Variants in CDHR2 observed in about 807,000 individuals in gnomAD.
CDHR2 encodes cadherin-related family member 2.
In CDHR2, 104 loss-of-function variants were observed where a neutral mutation model predicts 138.6. That is an observed-to-expected ratio of 0.75 (90% confidence interval 0.64 to 0.88). CDHR2 has a LOEUF of 0.88. Ranked by LOEUF, CDHR2 falls within the 40% of genes least tolerant of loss-of-function variation. The pLI is 0.00. For synonymous variants in CDHR2, 755 were observed against 742.8 expected (o/e 1.02, Z -0.27); for missense variants, 1,624 against 1,727.6 (o/e 0.94, Z 1.06).
chr5:176,587,100 A>G (rs557044454), intron 21 of CDHR2, among the ~76,000 whole-genome samples: 1 of 152,372 alleles, frequency 6.6e-6, no homozygotes. Flanking sequence ...TTCTTGAGTA[A>G]TACAGAGAAC....
chr5:176,568,862 C>A (rs1462835350), intron 4 of CDHR2, 45 bp downstream of exon 4: 1 of 1,611,822 alleles, frequency 6.2e-7, no homozygotes, highest in Non-Finnish European at 8.5e-7. Flanking sequence ...GGAGGGGGTG[C>A]TGGGAGGGCC....
At position 176,572,418 on chromosome 5, in the gene CDHR2, AAAAAAATT is replaced by A. The variant is rs759752766; in HGVS notation, c.405+1130_405+1137del. Among the ~76,000 whole-genome samples the A allele has an allele frequency of 3.0e-3, 353 of 117,274 alleles. 1 individual carries two copies. The highest frequency in any genetic ancestry group is 4.8e-3 in the Middle Eastern group (1 of 210). 76.9% of individuals were successfully genotyped at this position (117,274 alleles called of 152,430 possible). On this transcript the variant is annotated intron_variant, in intron 6 of 31. Transcript: ENST00000261944. ...ATAAATAAATAAATAAATAAATAAT[AAAAAAATT>A]AAAAAATTAAAAAGTACAGGCTCAC...
At chr5:176,592,307 G>A (rs565063238) in intron 30 of CDHR2, among the ~76,000 whole-genome samples, 2,646 of 144,006 alleles carry the variant, frequency 0.018, 115 homozygotes, top group African/African-American at 0.068. Context: ...GATGGTGATG[G>A]TGGTGGTGGT....
downstream of CDHR2, chr5:176,595,930 G>T (rs954135031): frequency 2.7e-6 from 1 of 366,628 alleles, no homozygotes; most frequent in East Asian, 4.2e-5. Context: ...GGGACAAGGG[G>T]CTGGAGAGGG....
At position 176,595,687 on chromosome 5, in the gene CDHR2, C is replaced by T. The variant is rs375673297; in HGVS notation, c.*15C>T. The T allele has an allele frequency of 6.4e-7, 1 of 1,556,518 alleles. No individual in the cohort carries two copies. Among genetic ancestry groups the T allele is most frequent in the Admixed American group, 1.9e-5 (1 of 52,912 alleles). On this transcript the variant is annotated 3_prime_UTR_variant, in exon 32 of 32. Coordinates refer to ENST00000261944, the MANE Select transcript of CDHR2 (RefSeq NM_017675.6). ...CGGACCTGTGACAGGGGCCCCCACT[C>T]TTCTGGACCCCTTGAAGAGGCCCTA... is the stretch of plus-strand genomic sequence containing the variant.
intron 1 of CDHR2, among the ~76,000 whole-genome samples, chr5:176,565,109 G>T (rs1053906655): frequency 6.6e-6 from 1 of 152,154 alleles, no homozygotes; most frequent in Non-Finnish European, 1.5e-5. Flanking sequence ...TGCATGGCAG[G>T]TCCTGGATTC....
chr5:176,589,561 C>T lies in CDHR2; in HGVS notation c.3151C>T (p.Leu1051=), dbSNP rs1241682862. The change falls in exon 24 of 32, where the codon CTG becomes TTG. Residue 1051 remains leucine (L), a synonymous_variant. Coordinates refer to ENST00000261944, the MANE Select transcript of CDHR2 (RefSeq NM_017675.6). ...CGTGGACCAGAGTTACCGCTCGCGG[C>T]TGCAGTTCTCCACACCGAAGGAGGA... ...FTVDQSYRSR[L]QFSTPKEEVG... is the part of the protein sequence containing the mutation. The T allele has an allele frequency of 1.9e-6, 3 of 1,614,126 alleles. No homozygotes were observed. Among genetic ancestry groups the T allele is most frequent in the Non-Finnish European group, 1.7e-6 (2 of 1,180,016 alleles).
chr5:176,592,651 G>A, intron 30 of CDHR2, 72 bp from the exon 31 acceptor site: 3 of 1,215,662 alleles, frequency 2.5e-6, no homozygotes, highest in Non-Finnish European at 3.7e-6. Context: ...TGGTGATGGA[G>A]GTGGTGGTTC....
Position 176,555,704 on chromosome 5 carries a change from C to T in CDHR2, c.-16+6290C>T, listed in dbSNP as rs193046544. On this transcript the variant is annotated intron_variant, in intron 1 of 31. Coordinates refer to ENST00000261944, the MANE Select transcript of CDHR2 (RefSeq NM_017675.6). ...GGTGGATCACCTGAGGTCAGGAGTTCGAGACCAGCCTGGCCAACATGGCAA... is the reference window on the plus strand; with the variant it reads ...GGTGGATCACCTGAGGTCAGGAGTTTGAGACCAGCCTGGCCAACATGGCAA... Among the ~76,000 whole-genome samples the T allele has an allele frequency of 9.0e-3, 1,372 of 151,980 alleles. 2 individuals carry two copies. The highest frequency in any genetic ancestry group is 0.013 in the Non-Finnish European group (877 of 67,978).
At chr5:176,564,155 CT>C (rs1758029361) in intron 1 of CDHR2, among the ~76,000 whole-genome samples, 2 of 152,168 alleles carry the variant, frequency 1.3e-5, no homozygotes, top group South Asian at 4.1e-4. Context: ...TGCTCTCCTG[CT>C]TTCTGTGGAG....
At chr5:176,558,382 ATT>A (rs568355994) in intron 1 of CDHR2, among the ~76,000 whole-genome samples, 2,101 of 120,626 alleles carry the variant, frequency 0.017, 45 homozygotes, top group African/African-American at 0.061. Flanking sequence ...TGCCCAGCTA[ATT>A]TTTTTTTTTT....
intron 1 of CDHR2, among the ~76,000 whole-genome samples, chr5:176,557,529 GT>G (rs1757861723): frequency 1.6e-5 from 2 of 124,694 alleles, no homozygotes; most frequent in South Asian, 5.5e-4. Context: ...GACATTATCT[GT>G]TTATTTCCTT....
chr5:176,586,144 ATCCTG>A lies in CDHR2; in HGVS notation c.2806+120_2806+124del, dbSNP rs1429931039. On this transcript the variant is annotated intron_variant, in intron 20 of 31. Coordinates refer to ENST00000261944, the MANE Select transcript of CDHR2 (RefSeq NM_017675.6). ...CTTTAGAAAGGGGGGAAGGCCTCTA[ATCCTG>A]CATCTTCCTAGGGCTGCAATAGGAG... 76 of 728,200 alleles carry A rather than the reference ATCCTG, an allele frequency of 1.0e-4. No individual in the cohort carries two copies. The East Asian group carries it at 1.9e-3, about 18-fold the overall frequency. 45.1% of individuals were successfully genotyped at this position (728,200 alleles called of 1,614,324 possible). A position where few individuals can be genotyped will look rare whatever the true frequency, so the allele number is the denominator to read the frequency against.
In CDHR2 at chr5:176,553,816, C is replaced by T. The variant is rs144357795; in HGVS notation, c.-16+4402C>T. Among the ~76,000 whole-genome samples the T allele has an allele frequency of 2.9e-3, 448 of 152,262 alleles. 1 individual carries two copies. Among genetic ancestry groups the T allele is most frequent in the African/African-American group, 0.01 (432 of 41,546 alleles). On this transcript the variant is annotated intron_variant, in intron 1 of 31. Coordinates refer to ENST00000261944, the MANE Select transcript of CDHR2 (RefSeq NM_017675.6). The surrounding 1 kb of genome is among the most constrained non-coding windows in gnomAD (Gnocchi z 4.3). ...TCAGCACACACATCATCAGCATGTC[C>T]GTCCCTACTTACCACCACCAGTGCC...
At chr5:176,578,155 G>A (rs1280335764) in intron 15 of CDHR2, 60 bp downstream of exon 15, 1 of 1,493,868 alleles carries the variant, frequency 6.7e-7, no homozygotes, top group Non-Finnish European at 9.2e-7. Context: ...CCACCTCTCT[G>A]CCTCTCTGCA....
At chr5:176,589,958 C>A in intron 24 of CDHR2, 120 bp from the exon 25 acceptor site, 1 of 800,206 alleles carries the variant, frequency 1.2e-6, no homozygotes, top group Non-Finnish European at 2.2e-6. Flanking sequence ...ACTCAGCCAA[C>A]AGAGCTGTCC....
intron 1 of CDHR2, among the ~76,000 whole-genome samples, chr5:176,556,306 C>T (rs13153321): frequency 0.16 from 24,980 of 152,172 alleles, 2,815 homozygotes; most frequent in East Asian, 0.49. Context: ...GAGTCTGAGG[C>T]TGCCCTGAGC....
In CDHR2 at chr5:176,543,153, G is replaced by A. The variant is rs1757495019; in HGVS notation, c.-16+384G>A. Among the ~76,000 whole-genome samples the A allele has an allele frequency of 6.6e-6, 1 of 150,784 alleles. No homozygotes were observed. The highest frequency in any genetic ancestry group is 6.6e-5 in the Admixed American group (1 of 15,156). On this transcript the variant is annotated intron_variant, in intron 1 of 31. Coordinates refer to the CDHR2 transcript ENST00000510636. The surrounding 1 kb of genome is among the most constrained non-coding windows in gnomAD (Gnocchi z 4.0). ...GCGGGCGCCGGCAGAGGCCTGGCGG[G>A]AAGACCCCGCGTGCGTTCCTCCGCC... is the stretch of plus-strand genomic sequence containing the variant.
upstream of CDHR2, among the ~76,000 whole-genome samples, chr5:176,546,846 G>A (rs774054154): frequency 3.3e-5 from 5 of 151,494 alleles, no homozygotes; most frequent in East Asian, 1.9e-4. Flanking sequence ...TAGTCGCATC[G>A]AGCGCTACCC....
Sources: gnomAD v4.1 joint callset for allele counts (sites outside exome capture counted in the v4.1 genomes callset) on GRCh38, gnomAD v4.1.1 for gene constraint, Gnocchi (gnomAD v3.1) non-coding constraint, MANE v1.5 for transcripts, NCBI Gene and HGNC (gene_info 2026-07-23, HGNC 2026-07-21) for gene names.